The following SH3PXD2A variants were observed in gnomAD, a reference collection of about 807,000 sequenced individuals.
The protein encoded by SH3PXD2A is SH3 and PX domain-containing protein 2A.
A neutral mutation model predicts 115.2 loss-of-function variants in SH3PXD2A; 32 were observed. The ratio of observed to expected loss-of-function variants is 0.28; its 90% CI spans 0.21 to 0.37. The LOEUF is 0.37. SH3PXD2A is among the 10% of genes least tolerant of loss of function. SH3PXD2A has a pLI of 1.00. For missense variants in SH3PXD2A, 1,328 were observed against 1,498.7 expected (o/e 0.89, Z 1.88); for synonymous variants, 610 against 629.1 (o/e 0.97, Z 0.45).
chr10:103,617,327 G>A lies in SH3PXD2A; in HGVS notation c.803-13C>T, dbSNP rs762601770. The A allele has an allele frequency of 1.3e-6, 2 of 1,568,016 alleles. No individual in the cohort carries two copies. Among genetic ancestry groups the A allele is most frequent in the South Asian group, 2.2e-5 (2 of 90,116 alleles). On this transcript the variant is annotated splice_polypyrimidine_tract_variant and intron_variant, in intron 10 of 14. Transcript: ENST00000369774. ...ACATACTTCTCCTCTGGGGGTGGGAGCAAGCAAGCAAGATTATTTGAGGTC... is the reference window on the plus strand; with the variant it reads ...ACATACTTCTCCTCTGGGGGTGGGAACAAGCAAGCAAGATTATTTGAGGTC...
intron 8 of SH3PXD2A, among the ~76,000 whole-genome samples, chr10:103,649,117 C>T (rs1391313163): frequency 6.6e-6 from 1 of 152,178 alleles, no homozygotes; most frequent in African/African-American, 2.4e-5. Flanking sequence ...CTGAAACTGG[C>T]CCGTTTTCAG....
chr10:103,784,927 C>T lies in SH3PXD2A; in HGVS notation c.153+16355G>A, dbSNP rs978691716. Among the ~76,000 whole-genome samples, 14 of 152,160 alleles carry T rather than the reference C, an allele frequency of 9.2e-5. No individual in the cohort carries two copies. The highest frequency in any genetic ancestry group is 2.4e-4 in the African/African-American group (10 of 41,434). On this transcript the variant is annotated intron_variant, in intron 2 of 14. Transcript: ENST00000369774. The surrounding 1 kb of genome is among the most constrained non-coding windows in gnomAD (Gnocchi z 4.4). ...AGCCTACTAGGCGTGTCTGCTTAGA[C>T]GGGTAACCAGTCTGCAGGTCAGCTC...
intron 4 of SH3PXD2A, among the ~76,000 whole-genome samples, chr10:103,725,491 G>A (rs922414921): frequency 4.6e-5 from 7 of 152,104 alleles, no homozygotes; most frequent in African/African-American, 1.4e-4. Flanking sequence ...TCCAGGCATG[G>A]GGAGAGTCTG....
chr10:103,645,896 C>G (rs774864096), intron 8 of SH3PXD2A, among the ~76,000 whole-genome samples: 1 of 152,184 alleles, frequency 6.6e-6, no homozygotes, highest in East Asian at 1.9e-4. Flanking sequence ...GCACAAGCCT[C>G]CAGTGGATTC....
intron 1 of SH3PXD2A, among the ~76,000 whole-genome samples, chr10:103,801,566 CAT>C (rs59106426): frequency 9.2e-5 from 14 of 151,812 alleles, no homozygotes; most frequent in Non-Finnish European, 7.4e-5. Flanking sequence ...CACACACACA[CAT>C]ACCCCTAGAG....
chr10:103,638,193 C>T (rs540770011), intron 8 of SH3PXD2A, among the ~76,000 whole-genome samples: 75 of 152,340 alleles, frequency 4.9e-4, no homozygotes, highest in African/African-American at 1.7e-3. Context: ...GCCTTCCCTC[C>T]CCTAGACGGG....
intron 1 of SH3PXD2A, among the ~76,000 whole-genome samples, chr10:103,832,654 C>CA (rs1313693811): frequency 4.0e-5 from 6 of 151,890 alleles, no homozygotes; most frequent in East Asian, 1.9e-4. Context: ...ATCGCAAGGA[C>CA]AAAAAACCAA....
intron 2 of SH3PXD2A, among the ~76,000 whole-genome samples, chr10:103,767,444 G>A (rs961305058): frequency 6.6e-5 from 10 of 152,188 alleles, no homozygotes; most frequent in Admixed American, 3.3e-4. Context: ...GAGCAAGGCT[G>A]GGGTAGGGAC....
intron 11 of SH3PXD2A, among the ~76,000 whole-genome samples, chr10:103,616,203 C>T (rs1463231234): frequency 1.3e-5 from 2 of 152,338 alleles, no homozygotes; most frequent in African/African-American, 4.8e-5. Context: ...CTCACATCCC[C>T]TGGGGCACAT....
intron 2 of SH3PXD2A, among the ~76,000 whole-genome samples, chr10:103,782,317 T>C (rs1009731370): frequency 6.6e-6 from 1 of 152,230 alleles, no homozygotes; most frequent in African/African-American, 2.4e-5. Context: ...AAGTAGTTCA[T>C]GTGCACATGA....
At chr10:103,744,965 G>A (rs1196166673) in intron 3 of SH3PXD2A, among the ~76,000 whole-genome samples, 2 of 152,158 alleles carry the variant, frequency 1.3e-5, no homozygotes, top group Admixed American at 6.5e-5. Context: ...TCAGTCCATG[G>A]GATTTCAGTG....
intron 4 of SH3PXD2A, among the ~76,000 whole-genome samples, chr10:103,730,280 T>G (rs1354016810): frequency 1.6e-4 from 12 of 76,662 alleles, no homozygotes; most frequent in Admixed American, 5.4e-4. Context: ...ATTTTTTTTG[T>G]TTTTTAATTT....
At chr10:103,684,401 C>T (rs1487787376) in intron 6 of SH3PXD2A, among the ~76,000 whole-genome samples, 4 of 151,992 alleles carry the variant, frequency 2.6e-5, no homozygotes, top group African/African-American at 7.2e-5. Flanking sequence ...CTCTGTCACC[C>T]AGGCTGGAGT....
chr10:103,754,192 T>C (rs2038612732), intron 3 of SH3PXD2A: 1 of 152,236 alleles, frequency 6.6e-6, no homozygotes, highest in African/African-American at 2.4e-5. Context: ...TTCACTTTTT[T>C]TTCTTTTTTG....
intron 4 of SH3PXD2A, among the ~76,000 whole-genome samples, chr10:103,733,821 G>C (rs1456388329): frequency 6.6e-6 from 1 of 152,088 alleles, no homozygotes; most frequent in East Asian, 1.9e-4. Flanking sequence ...ACCCAGGCTA[G>C]AGTGCTGTGG....
chr10:103,846,387 G>A (rs577540266), intron 1 of SH3PXD2A, among the ~76,000 whole-genome samples: 4 of 152,294 alleles, frequency 2.6e-5, no homozygotes, highest in African/African-American at 4.8e-5. Context: ...ACCAGAGGCC[G>A]TTTTCTAGAA....
At chr10:103,704,897 T>C (rs937139477) in intron 5 of SH3PXD2A, among the ~76,000 whole-genome samples, 13 of 152,174 alleles carry the variant, frequency 8.5e-5, no homozygotes, top group African/African-American at 2.7e-4. Flanking sequence ...ACCTGGGTGG[T>C]GGCAGCCCTC....
rs1024023521 is a variant in SH3PXD2A, at chr10:103,627,263, G to A, written c.605-61C>T. On this transcript the variant is annotated intron_variant, in intron 8 of 14. Transcript: ENST00000369774. This position sits in a 1 kb window ranked among gnomAD's most constrained non-coding sequence, Gnocchi z 4.4. ...TTCTGCAGGGTGGCAGGGGTGGCTC[G>A]GGGGCCAGGACAAGGATGGAAGGAG... The A allele has an allele frequency of 1.1e-5, 11 of 989,048 alleles. No homozygotes were observed. Among genetic ancestry groups the A allele is most frequent in the East Asian group, 9.6e-5 (4 of 41,616 alleles). 61.3% of individuals were successfully genotyped at this position (989,048 alleles called of 1,614,324 possible). A position where few individuals can be genotyped will look rare whatever the true frequency, so the allele number is the denominator to read the frequency against.
intron 1 of SH3PXD2A, among the ~76,000 whole-genome samples, chr10:103,814,585 G>C (rs542202315): frequency 1.1e-4 from 16 of 152,242 alleles, no homozygotes; most frequent in Non-Finnish European, 2.2e-4. Context: ...GGCAAGGGAC[G>C]AGTGACCACC....
Sources: allele counts gnomAD v4.1 joint callset (sites outside exome capture counted in the v4.1 genomes callset), GRCh38; gene constraint gnomAD v4.1.1; non-coding constraint Gnocchi (gnomAD v3.1); transcripts MANE v1.5; gene names NCBI Gene and HGNC (gene_info 2026-07-23, HGNC 2026-07-21).